UST: variants seen among roughly 807,000 people sequenced by gnomAD.
The protein encoded by UST is chondroitin sulfate 2-O-sulfotransferase.
In UST, 21 loss-of-function variants were observed where a neutral mutation model predicts 45.6. The observed-to-expected ratio is 0.46, with a 90% CI of 0.33 to 0.66. The LOEUF (loss-of-function observed/expected upper bound fraction) is 0.66, where lower values mean the gene tolerates loss of function less well. UST is among the 30% of genes least tolerant of loss of function. The pLI, the probability that UST is intolerant of heterozygous loss-of-function variation, is 0.02. For synonymous variants in UST, 215 were observed against 200.6 expected (o/e 1.07, Z -0.61); for missense variants, 463 against 512.4 (o/e 0.90, Z 0.93).
chr6:148,972,820 T>G (rs729094), intron 5 of UST, among the ~76,000 whole-genome samples: 112,203 of 152,164 alleles, frequency 0.74, 41,340 homozygotes, highest in Non-Finnish European at 0.76. Context: ...AACTACTGAT[T>G]CCTGGGTCCC....
chr6:148,754,057 C>T (rs534226734), intron 1 of UST, among the ~76,000 whole-genome samples: 13 of 150,104 alleles, frequency 8.7e-5, no homozygotes, highest in South Asian at 4.2e-4. Flanking sequence ...TGCAGTGGCG[C>T]GATCTCAGCT....
At chr6:148,819,407 C>T (rs1777414967) in intron 1 of UST, among the ~76,000 whole-genome samples, 1 of 152,166 alleles carries the variant, frequency 6.6e-6, no homozygotes, top group South Asian at 2.1e-4. Context: ...GCCCTGTTAC[C>T]TAATACTTCT....
intron 5 of UST, among the ~76,000 whole-genome samples, chr6:148,995,105 A>G (rs534222789): frequency 3.0e-4 from 45 of 151,966 alleles, no homozygotes; most frequent in African/African-American, 1.0e-3. Context: ...GCTCACTGCA[A>G]CCTCCGCCTC....
rs1775797671 is a variant in UST, at chr6:149,010,909, A to AC, written c.682-8230_682-8229insC. Among the ~76,000 whole-genome samples the AC allele has an allele frequency of 8.0e-5, 12 of 149,226 alleles. 1 individual carries two copies. The highest frequency in any genetic ancestry group is 2.5e-4 in the African/African-American group (10 of 40,612). On this transcript the variant is annotated intron_variant, in intron 5 of 7. Coordinates refer to ENST00000367463, the MANE Select transcript of UST (RefSeq NM_005715.3). ...TCCGTCTCAACCAAAAAAAAAAAAA[A>AC]AAAAAAAAAACTGTGACTATTTATT... is the stretch of plus-strand genomic sequence containing the variant.
At chr6:149,035,617 G>T (rs1776229745) in intron 7 of UST, among the ~76,000 whole-genome samples, 1 of 152,030 alleles carries the variant, frequency 6.6e-6, no homozygotes, top group African/African-American at 2.4e-5. Context: ...AATTAGCTGG[G>T]TGTGGGGGTG....
intron 1 of UST, among the ~76,000 whole-genome samples, chr6:148,770,058 G>A (rs1014580995): frequency 2.0e-5 from 3 of 151,934 alleles, no homozygotes; most frequent in African/African-American, 4.8e-5. Flanking sequence ...TTGACCCTGC[G>A]ATCATTGGAT....
At chr6:148,848,859 G>A (rs1282201224) in intron 1 of UST, among the ~76,000 whole-genome samples, 1 of 152,056 alleles carries the variant, frequency 6.6e-6, no homozygotes, top group African/African-American at 2.4e-5. Context: ...AAGAGGGGCC[G>A]GTAGTGTGGC....
chr6:148,814,796 A>G (rs1217114213), intron 1 of UST, among the ~76,000 whole-genome samples: 1 of 152,158 alleles, frequency 6.6e-6, no homozygotes, highest in Non-Finnish European at 1.5e-5. Context: ...ATTCTCTTTA[A>G]CATATCTCTT....
intron 1 of UST, among the ~76,000 whole-genome samples, chr6:148,798,425 G>T (rs955460031): frequency 6.6e-6 from 1 of 152,136 alleles, no homozygotes; most frequent in African/African-American, 2.4e-5. Context: ...GGTGCAGGTG[G>T]GTTGGGTTTT....
chr6:148,965,429 G>A (rs1780770349), intron 5 of UST, among the ~76,000 whole-genome samples: 1 of 152,176 alleles, frequency 6.6e-6, no homozygotes, highest in Non-Finnish European at 1.5e-5. Flanking sequence ...GCACAAGCAG[G>A]AAAGTAGGAA....
intron 7 of UST, among the ~76,000 whole-genome samples, chr6:149,070,576 C>T (rs1776804925): frequency 6.6e-6 from 1 of 152,162 alleles, no homozygotes; most frequent in Non-Finnish European, 1.5e-5. Context: ...TACCCTTATT[C>T]AATGAGGCTG....
At chr6:148,949,874 T>C (rs948895641) in intron 3 of UST, among the ~76,000 whole-genome samples, 1 of 152,224 alleles carries the variant, frequency 6.6e-6, no homozygotes, top group Non-Finnish European at 1.5e-5. Context: ...AATTTTCAGA[T>C]GCACTGCTAT....
chr6:148,977,479 T>C (rs1008110872), intron 5 of UST, among the ~76,000 whole-genome samples: 9 of 151,634 alleles, frequency 5.9e-5, no homozygotes, highest in South Asian at 2.1e-4. Flanking sequence ...GGGTCGGGCG[T>C]GGTGGCTCAC....
At chr6:148,783,557 T>G (rs951797032) in intron 1 of UST, among the ~76,000 whole-genome samples, 2 of 152,194 alleles carry the variant, frequency 1.3e-5, no homozygotes, top group Non-Finnish European at 2.9e-5. Flanking sequence ...TAGGAAAAAT[T>G]ATAGGCATAT....
chr6:148,785,296 G>A (rs1776715047), intron 1 of UST, among the ~76,000 whole-genome samples: 1 of 151,832 alleles, frequency 6.6e-6, no homozygotes, highest in Non-Finnish European at 1.5e-5. Flanking sequence ...TATGTATCAA[G>A]AGGAGAAAAG....
At chr6:148,979,590 T>C (rs1781089776) in intron 5 of UST, among the ~76,000 whole-genome samples, 1 of 152,198 alleles carries the variant, frequency 6.6e-6, no homozygotes, top group South Asian at 2.1e-4. Context: ...CAGTTTTCAG[T>C]CCATCCATTC....
At position 149,042,955 on chromosome 6, in the gene UST, TTTTCTTTCTTTCTTTCTTTC is replaced by T. The variant is rs1158496318; in HGVS notation, c.937+21522_937+21541del. Among the ~76,000 whole-genome samples the T allele has an allele frequency of 1.3e-3, 137 of 109,174 alleles. 1 individual carries two copies. Among genetic ancestry groups the T allele is most frequent in the Middle Eastern group, 4.3e-3 (1 of 234 alleles). The allele number at this position is 109,174 out of a possible 152,430, so 71.6% of individuals were successfully genotyped here. On this transcript the variant is annotated intron_variant, in intron 7 of 7. Transcript: ENST00000367463. ...TCTTTCAGCTGCTCCATCACCATCC[TTTTCTTTCTTTCTTTCTTTC>T]TTTCTTTCTTTCTTTCTTTCTTTCT...
At chr6:148,875,114 C>T (rs1023424792) in intron 1 of UST, among the ~76,000 whole-genome samples, 16 of 152,212 alleles carry the variant, frequency 1.1e-4, no homozygotes, top group African/African-American at 3.6e-4. Context: ...AAAGGAATTG[C>T]TTGTGTTTGA....
chr6:148,904,612 C>G (rs1013288655), intron 2 of UST, among the ~76,000 whole-genome samples: 1 of 152,104 alleles, frequency 6.6e-6, no homozygotes, highest in Non-Finnish European at 1.5e-5. Flanking sequence ...CAGCCTCCAC[C>G]TACCAGGTTC....
Sources: gnomAD v4.1 joint callset for allele counts (sites outside exome capture counted in the v4.1 genomes callset) on GRCh38, gnomAD v4.1.1 for gene constraint, MANE v1.5 for transcripts, NCBI Gene and HGNC (gene_info 2026-07-23, HGNC 2026-07-21) for gene names.